ARMC3: variants seen among roughly 807,000 people sequenced by gnomAD.
ARMC3 encodes the protein armadillo repeat-containing protein 3.
ARMC3 carries 74 observed loss-of-function variants against 90.3 expected under a neutral mutation model. The observed-to-expected ratio is 0.82, with a 90% CI of 0.68 to 0.99. ARMC3 has a LOEUF of 0.99. Ranked by LOEUF, ARMC3 falls within the 50% of genes least tolerant of loss-of-function variation. The probability of loss-of-function intolerance (pLI) is 0.00; values close to 1 mark genes in which losing one functional copy is unlikely to be tolerated. For synonymous variants in ARMC3, 334 were observed against 361.8 expected, an observed-to-expected ratio of 0.92 and a Z score of 0.87; for missense variants, 958 against 1,042.8, an observed-to-expected ratio of 0.92 and a Z score of 1.12.
chr10:22,981,758 G>A (rs1836202311), intron 10 of ARMC3, 58 bp downstream of exon 10: 15 of 1,393,800 alleles, frequency 1.1e-5, no homozygotes, highest in Non-Finnish European at 1.5e-5. Context: ...AGTCCAAGAT[G>A]TTCTCCTGTT....
At chr10:23,014,348 C>T (rs769491633) in intron 16 of ARMC3, 2 of 1,345,274 alleles carry the variant, frequency 1.5e-6, no homozygotes, top group African/African-American at 1.5e-5. Flanking sequence ...CCTTCTTAGC[C>T]TTTGGTCCAT....
intron 16 of ARMC3, among the ~76,000 whole-genome samples, chr10:23,016,604 T>C (rs1360706304): frequency 6.6e-6 from 1 of 152,248 alleles, no homozygotes; most frequent in African/African-American, 2.4e-5. Flanking sequence ...TTTATTTCCA[T>C]ATGCATGAAA....
At chr10:22,977,725 T>A (rs1413286214) in intron 8 of ARMC3, among the ~76,000 whole-genome samples, 1 of 152,222 alleles carries the variant, frequency 6.6e-6, no homozygotes, top group Non-Finnish European at 1.5e-5. Context: ...GTGGTTTAAT[T>A]TTCTTATAGC....
chr10:23,019,825 G>A (rs1032280274), intron 16 of ARMC3, among the ~76,000 whole-genome samples: 6 of 152,130 alleles, frequency 3.9e-5, no homozygotes, highest in Non-Finnish European at 8.8e-5. Context: ...GATGACATGC[G>A]CAAGCCATCA....
At chr10:22,985,046 A>ATTTTTTT (rs535085393) in intron 10 of ARMC3, among the ~76,000 whole-genome samples, 3 of 83,606 alleles carry the variant, frequency 3.6e-5, no homozygotes, top group Non-Finnish European at 6.9e-5. Context: ...TTAATTTTTC[A>ATTTTTTT]TTTTTTTTTT....
At chr10:22,932,380 A>C (rs1833966137) in intron 2 of ARMC3, among the ~76,000 whole-genome samples, 1 of 152,246 alleles carries the variant, frequency 6.6e-6, no homozygotes, top group South Asian at 2.1e-4. Context: ...TTAATTAATC[A>C]AGTGAATTTT....
chr10:22,943,873 G>T (rs904599042), intron 2 of ARMC3, among the ~76,000 whole-genome samples: 2 of 151,564 alleles, frequency 1.3e-5, no homozygotes, highest in Non-Finnish European at 2.9e-5. Context: ...GGTGGAGGTT[G>T]CAGTGAGCCA....
intron 12 of ARMC3, among the ~76,000 whole-genome samples, chr10:23,002,874 C>G (rs544615115): frequency 6.6e-6 from 1 of 152,068 alleles, no homozygotes; most frequent in Non-Finnish European, 1.5e-5. Flanking sequence ...ACATCTAGCC[C>G]CAGGTTTTAA....
At chr10:22,952,153 A>C (rs2100968) in intron 3 of ARMC3, among the ~76,000 whole-genome samples, 33,235 of 151,900 alleles carry the variant, frequency 0.22, 3,820 homozygotes, top group Non-Finnish European at 0.25. Context: ...AACAAAAAAC[A>C]AATTAAACCA....
intron 18 of ARMC3, among the ~76,000 whole-genome samples, chr10:23,033,877 T>C (rs1839022537): frequency 6.6e-6 from 1 of 152,262 alleles, no homozygotes; most frequent in South Asian, 2.1e-4. Context: ...CAGCTGGTAA[T>C]GATGGCATTA....
At chr10:23,018,831 T>C (rs1838395760) in intron 16 of ARMC3, among the ~76,000 whole-genome samples, 1 of 152,112 alleles carries the variant, frequency 6.6e-6, no homozygotes, top group African/African-American at 2.4e-5. Context: ...TTGGTAATTT[T>C]TAAGGAAAAA....
rs1006615601 is a variant in ARMC3 at position 22,946,527 on chromosome 10, C to A, written c.166+266C>A. 7.2e-5 allele frequency: 18 copies of A among 249,070 alleles called. No homozygotes were observed. The Middle Eastern group carries it at 5.3e-3, about 74-fold the overall frequency. 15.4% of individuals were successfully genotyped at this position (249,070 alleles called of 1,614,324 possible). A position where few individuals can be genotyped will look rare whatever the true frequency, so the allele number is the denominator to read the frequency against. On this transcript the variant is annotated intron_variant, in intron 3 of 18. Transcript: ENST00000298032. ...TTAGAAATTGTAAATGTCACAGAAG[C>A]TAAAAGAACTCCCAATAGTCAAGGC...
At chr10:23,003,173 T>G in intron 12 of ARMC3, 73 bp from the exon 13 acceptor site, 1 of 1,347,624 alleles carries the variant, frequency 7.4e-7, no homozygotes. Flanking sequence ...GGATCTGAAG[T>G]CGGTATATAA....
At chr10:22,994,706 T>G (rs1255575492) in intron 10 of ARMC3, among the ~76,000 whole-genome samples, 1 of 152,088 alleles carries the variant, frequency 6.6e-6, no homozygotes, top group Non-Finnish European at 1.5e-5. Context: ...AGAGACCTCT[T>G]AGGAGATTAT....
intron 16 of ARMC3, among the ~76,000 whole-genome samples, chr10:23,010,096 G>C (rs1036314101): frequency 6.6e-6 from 1 of 151,672 alleles, no homozygotes; most frequent in African/African-American, 2.4e-5. Flanking sequence ...CCATCCCTGT[G>C]GTTCCAGTCC....
At chr10:22,932,215 T>G (rs1006412609) in intron 2 of ARMC3, among the ~76,000 whole-genome samples, 171 bp downstream of exon 2, 1 of 152,212 alleles carries the variant, frequency 6.6e-6, no homozygotes, top group African/African-American at 2.4e-5. Context: ...AAACAAACAT[T>G]TACAACATTG....
At chr10:22,978,154 CT>C (rs1340966139) in intron 8 of ARMC3, among the ~76,000 whole-genome samples, 3 of 152,224 alleles carry the variant, frequency 2.0e-5, no homozygotes, top group Non-Finnish European at 4.4e-5. Context: ...ATTCTGCCTT[CT>C]TTTCAGGTCC....
Position 22,959,577 on chromosome 10 carries a change from A to G in ARMC3, c.537+3A>G. On this transcript the variant is annotated splice_donor_region_variant and intron_variant, in intron 6 of 18. Transcript: ENST00000298032. ...AATGCATTTACAACTTGGTGCAGGT[A>G]AGATTAATTTCTAAAAAGCGTTCTG... 6.3e-7 allele frequency: 1 copy of G among 1,580,124 alleles called. No individual in the cohort carries two copies. The highest frequency in any genetic ancestry group is 8.6e-7 in the Non-Finnish European group (1 of 1,168,730).
At chr10:22,929,558 T>G (rs958970356) in intron 1 of ARMC3, among the ~76,000 whole-genome samples, 27 of 152,208 alleles carry the variant, frequency 1.8e-4, no homozygotes, top group Admixed American at 5.2e-4. Flanking sequence ...AGGCTTTTTT[T>G]GGGGGAGGAG....
Sources: gnomAD v4.1 joint callset for allele counts (sites outside exome capture counted in the v4.1 genomes callset) on GRCh38, gnomAD v4.1.1 for gene constraint, MANE v1.5 for transcripts, NCBI Gene and HGNC (gene_info 2026-07-23, HGNC 2026-07-21) for gene names.